ZFHX2: variants seen among roughly 807,000 people sequenced by gnomAD.
ZFHX2 encodes the protein zinc finger homeobox protein 2.
A neutral mutation model predicts 164.8 loss-of-function variants in ZFHX2; 75 were observed. The ratio of observed to expected loss-of-function variants is 0.46; its 90% CI spans 0.38 to 0.55. The LOEUF (loss-of-function observed/expected upper bound fraction) is 0.55, where lower values mean the gene tolerates loss of function less well. Among genes scored for constraint, ZFHX2 ranks in the 20% least tolerant of loss-of-function variants. ZFHX2 has a pLI of 0.00. For missense variants in ZFHX2, 2,933 were observed against 3,308.0 expected (o/e 0.89, Z 2.78); for synonymous variants, 1,217 against 1,351.4 (o/e 0.90, Z 2.18).
Position 23,524,707 on chromosome 14 carries a change from G to T in ZFHX2, c.5235C>A (p.Ser1745Arg). ...CTCCTGCCTTTGTTGCCTCTGCTTGGCTCAGCTCCTCCCCATCTGGAGGCT... is the reference window on the plus strand; with the variant it reads ...CTCCTGCCTTTGTTGCCTCTGCTTGTCTCAGCTCCTCCCCATCTGGAGGCT... ...LPEPPDGEEL[S>R]QAEATKAGGK... The change falls in exon 9 of 10, where the codon AGC becomes AGA. Residue 1745 changes from serine (S) to arginine (R), a missense_variant. Coordinates refer to ENST00000419474, the MANE Select transcript of ZFHX2 (RefSeq NM_033400.3). The surrounding 1 kb of genome is among the most constrained non-coding windows in gnomAD (Gnocchi z 5.6). 6.5e-7 allele frequency: 1 copy of T among 1,536,294 alleles called. No individual in the cohort carries two copies. Among genetic ancestry groups the T allele is most frequent in the East Asian group, 2.4e-5 (1 of 40,904 alleles).
rs1409188269 is a variant in ZFHX2 at position 23,525,738 on chromosome 14, T to C, written c.4204A>G (p.Lys1402Glu). The C allele has an allele frequency of 1.1e-5, 17 of 1,512,622 alleles. No homozygotes were observed. In the East Asian group the frequency reaches 4.2e-4, roughly 37 times the overall value. 93.7% of individuals were successfully genotyped at this position (1,512,622 alleles called of 1,614,324 possible). A position where few individuals can be genotyped will look rare whatever the true frequency, so the allele number is the denominator to read the frequency against. The change falls in exon 9 of 10, where the codon AAG (lysine) becomes GAG (glutamate). Residue 1402 changes from lysine to glutamate, a missense_variant. Coordinates refer to ENST00000419474, the MANE Select transcript of ZFHX2 (RefSeq NM_033400.3). This position sits in a 1 kb window ranked among gnomAD's most constrained non-coding sequence, Gnocchi z 5.9. ...ATPPPPPQPP[K>E]AELAEREWER... ...CACTCCCGCTCAGCCAGCTCAGCCT[T>C]GGGAGGTTGGGGTGGAGGAGGAGGG...
In ZFHX2 at chr14:23,521,836, G is replaced by T. The variant is rs1878033232; in HGVS notation, c.*126C>A. On this transcript the variant is annotated 3_prime_UTR_variant, in exon 10 of 10. Coordinates refer to ENST00000419474, the MANE Select transcript of ZFHX2 (RefSeq NM_033400.3). Reference sequence around the variant, plus strand: ...GTGGTGCCCACTGAGGGTGGGAACTGAACAGTTCCTGTGAGGTGGGCGGGG... The same window carrying T: ...GTGGTGCCCACTGAGGGTGGGAACTTAACAGTTCCTGTGAGGTGGGCGGGG... The T allele has an allele frequency of 1.2e-5, 18 of 1,460,400 alleles. No individual in the cohort carries two copies. Among genetic ancestry groups the T allele is most frequent in the Non-Finnish European group, 1.6e-5 (18 of 1,109,048 alleles). 90.5% of individuals were successfully genotyped at this position (1,460,400 alleles called of 1,614,324 possible).
At chr14:23,536,420 A>G (rs900216171) in intron 1 of ZFHX2, among the ~76,000 whole-genome samples, 14 of 152,128 alleles carry the variant, frequency 9.2e-5, no homozygotes, top group Admixed American at 3.9e-4. Context: ...CTTCTCTCCA[A>G]TGCCTTCCAG....
At position 23,523,488 on chromosome 14, in the gene ZFHX2, C is replaced by T. The variant is rs770877947; in HGVS notation, c.6454G>A (p.Asp2152Asn). 2.0e-6 allele frequency: 3 copies of T among 1,536,282 alleles called. No homozygotes were observed. The South Asian group carries it at 3.6e-5, about 18-fold the overall frequency. The part of the protein sequence containing the change: ...AAQRTDCPYC[D>N]VKYDFYVSCR... ...GAGACATAGAAATCATACTTGACAT[C>T]ACAATAGGGGCAGTCAGTGCGCTGG... Residue 2152 changes from aspartate (D) to asparagine (N), a missense_variant, in exon 9 of 10, where the codon GAT (aspartate) becomes AAT (asparagine). Physicochemically the swap from Asp to Asn is conservative, Grantham distance 23. Transcript: ENST00000419474. This position sits in a 1 kb window ranked among gnomAD's most constrained non-coding sequence, Gnocchi z 4.1.
rs1003624406 is a variant in ZFHX2 at position 23,522,595 on chromosome 14, A to T, written c.7086T>A (p.Phe2362Leu). 1.2e-5 allele frequency: 19 copies of T among 1,529,378 alleles called. No homozygotes were observed. Among genetic ancestry groups the T allele is most frequent in the Non-Finnish European group, 1.7e-5 (19 of 1,142,860 alleles). 94.7% of individuals were successfully genotyped at this position (1,529,378 alleles called of 1,614,324 possible). Residue 2362 changes from phenylalanine to leucine, a missense_variant, in exon 10 of 10, where the codon TTT becomes TTA. Phe to Leu is a conservative substitution (Grantham distance 22, BLOSUM62 0). Transcript: ENST00000419474. The stretch of plus-strand genomic sequence containing the variant: ...AGTAGGCCCCCTGTAGCTGGGGGCC[A>T]AAGACAGCTGGCGGTGCTGTTCCCC... ...PAGGTAPPAV[F>L]GPQLQGAYFQ...
Position 23,525,032 on chromosome 14 carries a change from C to T in ZFHX2, c.4910G>A (p.Arg1637His), listed in dbSNP as rs765623078. 9.2e-5 allele frequency: 142 copies of T among 1,536,074 alleles called. 1 individual carries two copies. Among genetic ancestry groups the T allele is most frequent in the South Asian group, 7.5e-4 (63 of 84,070 alleles). The change falls in exon 9 of 10, where the codon CGT becomes CAT. Residue 1637 changes from arginine to histidine, a missense_variant. Physicochemically the swap from Arg to His is conservative, Grantham distance 29. Transcript: ENST00000419474. This position sits in a 1 kb window ranked among gnomAD's most constrained non-coding sequence, Gnocchi z 5.9. ...RLASLLGLASRVVVVWFQNAR... is the reference protein window; with the variant it reads ...RLASLLGLASHVVVVWFQNAR... ...ATTCTGGAACCACACCACCACCACA[C>T]GGCTAGCCAGACCCAACAGACTTGC...
At chr14:23,529,159 A>G (rs1166662214) in intron 6 of ZFHX2, among the ~76,000 whole-genome samples, 3 of 152,242 alleles carry the variant, frequency 2.0e-5, no homozygotes, top group African/African-American at 7.2e-5. Flanking sequence ...GAATCCCCTC[A>G]GAACACAGAG....
At chr14:23,550,533 G>A (rs1162345645) in intron 1 of ZFHX2, among the ~76,000 whole-genome samples, 1 of 152,208 alleles carries the variant, frequency 6.6e-6, no homozygotes, top group Non-Finnish European at 1.5e-5. Context: ...AGATGGATGG[G>A]ATGGAAGAGA....
rs557554948 is a variant in ZFHX2, at chr14:23,531,710, G to T, written c.2571C>A (p.Asp857Glu). The T allele has an allele frequency of 1.2e-4, 157 of 1,360,520 alleles. No homozygotes were observed. In the South Asian group the frequency reaches 1.3e-3, roughly 12 times the overall value. The allele number at this position is 1,360,520 out of a possible 1,614,324, so 84.3% of individuals were successfully genotyped here. A position where few individuals can be genotyped will look rare whatever the true frequency, so the allele number is the denominator to read the frequency against. ...CTGCCCCTGCCTCCGCTCCCTCCAT[G>T]TCCAGCAGAAACTAGAACCATGGGA... ...ENSQIYKFLL[D>E]MEGAEAGAEL... The change falls in exon 4 of 10, where the codon GAC becomes GAA. Residue 857 changes from aspartate (D) to glutamate (E), a missense_variant. By Grantham distance (45) the Asp-to-Glu change is conservative. Transcript: ENST00000419474.
chr14:23,533,249 GGGA>G lies in ZFHX2; in HGVS notation c.2041+33_2041+35del. ...AAGCACGGAATAGAGTTTGGCCCTG[GGGA>G]GGAGAGAAGAGGGAAGAAGCACAGA... On this transcript the variant is annotated intron_variant, in intron 2 of 9. Transcript: ENST00000419474. The surrounding 1 kb of genome is among the most constrained non-coding windows in gnomAD (Gnocchi z 4.8). 1.4e-6 allele frequency: 2 copies of G among 1,427,226 alleles called. No homozygotes were observed. Among genetic ancestry groups the G allele is most frequent in the South Asian group, 3.0e-5 (2 of 65,976 alleles). The allele number at this position is 1,427,226 out of a possible 1,614,324, so 88.4% of individuals were successfully genotyped here. A position where few individuals can be genotyped will look rare whatever the true frequency, so the allele number is the denominator to read the frequency against.
In ZFHX2 at chr14:23,526,414, G is replaced by A. The variant is rs1010902104; in HGVS notation, c.3528C>T (p.Thr1176=). ...GAAACTTGTCCAGGGCAAAGTTGGT[G>A]GTTTTCCGATAGGTCAGAGGGTGGC... ...DSRHPLTYRK[T]TNFALDKFLD... is the part of the protein sequence containing the mutation. Residue 1176 remains threonine, a synonymous_variant, in exon 9 of 10, where the codon ACC becomes ACT. Coordinates refer to ENST00000419474, the MANE Select transcript of ZFHX2 (RefSeq NM_033400.3). 9 of 1,536,272 alleles carry A rather than the reference G, an allele frequency of 5.9e-6. No individual in the cohort carries two copies. Among genetic ancestry groups the A allele is most frequent in the Non-Finnish European group, 7.8e-6 (9 of 1,146,766 alleles).
chr14:23,531,553 G>C lies in ZFHX2; in HGVS notation c.2728C>G (p.Pro910Ala), dbSNP rs546799241. The stretch of plus-strand genomic sequence containing the variant: ...GCTGCGAGTCCTTCCTCAGTGGTTG[G>C]GCCATTCTGTAGCAGCTGCAGACGC... ...QRRLQLLQNG[P>A]TTEEGLAALQ... is the part of the protein sequence containing the mutation. The change falls in exon 4 of 10, where the codon CCA (proline) becomes GCA (alanine). Residue 910 changes from proline (P) to alanine (A), a missense_variant. Pro to Ala is a conservative substitution (Grantham distance 27). Coordinates refer to ENST00000419474, the MANE Select transcript of ZFHX2 (RefSeq NM_033400.3). 6.6e-7 allele frequency: 1 copy of C among 1,522,592 alleles called. No homozygotes were observed. The highest frequency in any genetic ancestry group is 1.2e-5 in the South Asian group (1 of 82,294). The allele number at this position is 1,522,592 out of a possible 1,614,324, so 94.3% of individuals were successfully genotyped here. A position where few individuals can be genotyped will look rare whatever the true frequency, so the allele number is the denominator to read the frequency against.
Position 23,546,172 on chromosome 14 carries a change from G to A in ZFHX2, c.-50+5171C>T, listed in dbSNP as rs899865183. ...CTCTCCATGCATAAACTGCTCTGCA[G>A]AGAGGTCTTGCACACCCTGGAACAT... On this transcript the variant is annotated intron_variant, in intron 1 of 9. Transcript: ENST00000419474. The surrounding 1 kb of genome is among the most constrained non-coding windows in gnomAD (Gnocchi z 4.7). Among the ~76,000 whole-genome samples the A allele has an allele frequency of 2.0e-5, 3 of 152,224 alleles. No individual in the cohort carries two copies. The highest frequency in any genetic ancestry group is 7.2e-5 in the African/African-American group (3 of 41,440).
chr14:23,521,937 C>G lies in ZFHX2; in HGVS notation c.*25G>C. ...AAAAGAGGGAGCCCTGAGGCCCTCC[C>G]CTCTCCCCATCTTGGTTAATCTGTT... On this transcript the variant is annotated 3_prime_UTR_variant, in exon 10 of 10. Transcript: ENST00000419474. The G allele has an allele frequency of 6.5e-7, 1 of 1,535,476 alleles. No individual in the cohort carries two copies. The highest frequency in any genetic ancestry group is 8.7e-7 in the Non-Finnish European group (1 of 1,146,752).
At chr14:23,550,186 C>T (rs1881808238) in intron 1 of ZFHX2, among the ~76,000 whole-genome samples, 1 of 152,164 alleles carries the variant, frequency 6.6e-6, no homozygotes, top group Admixed American at 6.5e-5. Flanking sequence ...GGACAGTCAA[C>T]AATGCTAGGA....
upstream of ZFHX2, among the ~76,000 whole-genome samples, chr14:23,553,921 G>A (rs1166319392): frequency 6.6e-6 from 1 of 151,820 alleles, no homozygotes; most frequent in Admixed American, 6.6e-5. Flanking sequence ...AAAATTAGGA[G>A]GGTGGGGTGG....
At chr14:23,550,303 C>T (rs1225694758) in intron 1 of ZFHX2, among the ~76,000 whole-genome samples, 1 of 152,236 alleles carries the variant, frequency 6.6e-6, no homozygotes, top group Non-Finnish European at 1.5e-5. Flanking sequence ...CCCACTCCTC[C>T]AGGCCCTGAC....
Position 23,521,940 on chromosome 14 carries a change from C to G in ZFHX2, c.*22G>C. The G allele has an allele frequency of 6.5e-7, 1 of 1,535,632 alleles. No individual in the cohort carries two copies. The highest frequency in any genetic ancestry group is 8.7e-7 in the Non-Finnish European group (1 of 1,146,762). On this transcript the variant is annotated 3_prime_UTR_variant, in exon 10 of 10. Transcript: ENST00000419474. ...AGAGGGAGCCCTGAGGCCCTCCCCT[C>G]TCCCCATCTTGGTTAATCTGTTTAT...
In ZFHX2 at chr14:23,529,710, C is replaced by T. The variant is rs1161784629; in HGVS notation, c.2934G>A (p.Thr978=). The T allele has an allele frequency of 1.3e-6, 2 of 1,535,984 alleles. No homozygotes were observed. Among genetic ancestry groups the T allele is most frequent in the East Asian group, 2.4e-5 (1 of 40,934 alleles). Residue 978 remains threonine, a splice_region_variant and synonymous_variant, in exon 6 of 10, where the codon ACG becomes ACA. Coordinates refer to ENST00000419474, the MANE Select transcript of ZFHX2 (RefSeq NM_033400.3). The part of the protein sequence containing the change: ...GPSRDSANQT[T]VYCCPYCSFL... ...TCTTCCCAGTTACCCCAATTCTGAC[C>T]GTGGTCTGGTTGGCACTGTCTCTGG... is the stretch of plus-strand genomic sequence containing the variant.
Sources: allele counts gnomAD v4.1 joint callset (sites outside exome capture counted in the v4.1 genomes callset), GRCh38; gene constraint gnomAD v4.1.1; non-coding constraint Gnocchi (gnomAD v3.1); transcripts MANE v1.5; gene names NCBI Gene and HGNC (gene_info 2026-07-23, HGNC 2026-07-21).